Variants in SPON1 observed in about 807,000 individuals in gnomAD.
The protein encoded by SPON1 is spondin 1.
Under a neutral mutation model 111.7 loss-of-function variants are expected in SPON1, and 52 were observed. The ratio of observed to expected loss-of-function variants is 0.47; its 90% confidence interval spans 0.37 to 0.59. The LOEUF is 0.59. Ranked by LOEUF, SPON1 falls within the 20% of genes least tolerant of loss-of-function variation. The probability of loss-of-function intolerance (pLI) is 0.00; values close to 1 mark genes in which losing one functional copy is unlikely to be tolerated. For synonymous variants in SPON1, 410 were observed against 395.8 expected (o/e 1.04, Z -0.43); for missense variants, 957 against 1,068.5 (o/e 0.90, Z 1.46).
chr11:14,240,800 AGACT>A (rs1345372607), intron 6 of SPON1, among the ~76,000 whole-genome samples: 1 of 152,232 alleles, frequency 6.6e-6, no homozygotes, highest in Non-Finnish European at 1.5e-5. Flanking sequence ...AAGAGCAAAC[AGACT>A]GTCATCAGAC....
At position 13,982,860 on chromosome 11, in the gene SPON1, T is replaced by A. The variant is rs1460413447; in HGVS notation, c.252T>A (p.Ala84=). The change falls in exon 2 of 16, where the codon GCT becomes GCA. Residue 84 remains alanine (A), a synonymous_variant. Coordinates refer to ENST00000576479, the MANE Select transcript of SPON1 (RefSeq NM_006108.4). The part of the protein sequence containing the change: ...PGTSYRVTLS[A]APPSYFRGFT... ...CTCTCTCTGCAGTAACACTTTCAGC[T>A]GCTCCTCCCTCCTACTTCAGAGGAT... is the stretch of plus-strand genomic sequence containing the variant. 3.1e-5 allele frequency: 49 copies of A among 1,558,324 alleles called. No homozygotes were observed. Among genetic ancestry groups the A allele is most frequent in the Non-Finnish European group, 4.0e-5 (46 of 1,149,832 alleles).
At chr11:14,083,195 G>A (rs1256878509) in intron 5 of SPON1, among the ~76,000 whole-genome samples, 1 of 152,176 alleles carries the variant, frequency 6.6e-6, no homozygotes, top group Admixed American at 6.5e-5. Context: ...GAGGATCAAT[G>A]TTTTACGTTT....
intron 11 of SPON1, among the ~76,000 whole-genome samples, 177 bp downstream of exon 11, chr11:14,258,075 A>C (rs1849130056): frequency 6.6e-6 from 1 of 152,360 alleles, no homozygotes; most frequent in Middle Eastern, 3.4e-3. Context: ...TGAACACAGA[A>C]TCTCTCTTAT....
At chr11:14,224,640 C>T (rs781896366) in intron 6 of SPON1, 51 of 299,900 alleles carry the variant, frequency 1.7e-4, no homozygotes, top group Non-Finnish European at 2.9e-4. Flanking sequence ...GCATGTAGCA[C>T]TCTCATATCT....
At chr11:14,185,807 G>A (rs1028440243) in intron 6 of SPON1, among the ~76,000 whole-genome samples, 3 of 152,230 alleles carry the variant, frequency 2.0e-5, no homozygotes, top group African/African-American at 7.2e-5. Context: ...CTTCTCATCA[G>A]ACTGGCCACT....
chr11:13,967,191 A>G (rs1554908111), intron 1 of SPON1, among the ~76,000 whole-genome samples: 2 of 152,182 alleles, frequency 1.3e-5, no homozygotes, highest in African/African-American at 2.4e-5. Flanking sequence ...CTGTGCTCTT[A>G]ACCAGTCTTA....
intron 6 of SPON1, among the ~76,000 whole-genome samples, chr11:14,210,488 AC>A (rs1455450565): frequency 6.7e-6 from 1 of 148,910 alleles, no homozygotes; most frequent in Non-Finnish European, 1.5e-5. Context: ...AACCTCCACC[AC>A]CCGGGTTCAA....
At chr11:14,237,310 C>T (rs140924096) in intron 6 of SPON1, among the ~76,000 whole-genome samples, 4 of 152,218 alleles carry the variant, frequency 2.6e-5, no homozygotes, top group South Asian at 2.1e-4. Context: ...AGACACTGCT[C>T]TCCCAGAGGG....
chr11:14,151,003 A>G (rs1485662338), intron 6 of SPON1, among the ~76,000 whole-genome samples: 2 of 152,204 alleles, frequency 1.3e-5, no homozygotes, highest in African/African-American at 2.4e-5. Flanking sequence ...TTAACTGATC[A>G]TGTTAGGAAG....
At chr11:14,067,759 A>G (rs1277569673) in intron 3 of SPON1, among the ~76,000 whole-genome samples, 1 of 152,230 alleles carries the variant, frequency 6.6e-6, no homozygotes, top group Non-Finnish European at 1.5e-5. Flanking sequence ...GAAAGCAGGA[A>G]CAGGACTATC....
chr11:14,262,648 G>A (rs1849199617), intron 14 of SPON1, 64 bp from the exon 15 acceptor site: 1 of 1,594,036 alleles, frequency 6.3e-7, no homozygotes, highest in African/African-American at 1.4e-5. Context: ...GATGTTCAAA[G>A]GAGAGCGTGA....
At chr11:14,147,271 T>C (rs1290879712) in intron 6 of SPON1, among the ~76,000 whole-genome samples, 3 of 151,854 alleles carry the variant, frequency 2.0e-5, no homozygotes, top group Non-Finnish European at 4.4e-5. Flanking sequence ...TGACCTCAGG[T>C]GATCCACCTG....
At chr11:14,243,965 A>C (rs1848959509) in intron 7 of SPON1, among the ~76,000 whole-genome samples, 1 of 152,182 alleles carries the variant, frequency 6.6e-6, no homozygotes, top group Non-Finnish European at 1.5e-5. Context: ...CCTGGACCTT[A>C]AACTCATCAT....
chr11:14,219,119 A>C (rs1377474799), intron 6 of SPON1, among the ~76,000 whole-genome samples: 2 of 152,164 alleles, frequency 1.3e-5, no homozygotes, highest in African/African-American at 4.8e-5. Context: ...TCCCCCACCC[A>C]CTGCCACCTA....
chr11:14,218,074 T>A (rs1564933390), intron 6 of SPON1, among the ~76,000 whole-genome samples: 1 of 152,220 alleles, frequency 6.6e-6, no homozygotes, highest in Non-Finnish European at 1.5e-5. Context: ...TCCAAGAAAT[T>A]GAATGTATGA....
At chr11:14,095,874 A>G (rs548047665) in intron 5 of SPON1, among the ~76,000 whole-genome samples, 2 of 152,330 alleles carry the variant, frequency 1.3e-5, no homozygotes, top group East Asian at 1.9e-4. Context: ...CAAACATACA[A>G]TGAACAATAA....
intron 2 of SPON1, among the ~76,000 whole-genome samples, chr11:14,035,731 C>T (rs1322946636): frequency 6.6e-6 from 1 of 151,870 alleles, no homozygotes; most frequent in Admixed American, 6.6e-5. Context: ...AATCCTTCTA[C>T]CTCAGCCTCC....
At position 14,135,713 on chromosome 11, in the gene SPON1, A is replaced by G; in HGVS notation, c.825+145A>G. The G allele has an allele frequency of 3.8e-6, 3 of 785,222 alleles. No individual in the cohort carries two copies. The highest frequency in any genetic ancestry group is 6.0e-6 in the Non-Finnish European group (3 of 496,488). 48.6% of individuals were successfully genotyped at this position (785,222 alleles called of 1,614,324 possible). ...TGAGTTTGGGGGTTTTATGTTAAGT[A>G]GAGGACAGACAGAGGCACAAATATC... On this transcript the variant is annotated intron_variant, in intron 6 of 15. Coordinates refer to ENST00000576479, the MANE Select transcript of SPON1 (RefSeq NM_006108.4). The surrounding 1 kb of genome is among the most constrained non-coding windows in gnomAD (Gnocchi z 4.4).
intron 2 of SPON1, among the ~76,000 whole-genome samples, chr11:14,029,370 C>T (rs1848541897): frequency 6.6e-6 from 1 of 152,126 alleles, no homozygotes; most frequent in African/African-American, 2.4e-5. Flanking sequence ...TATCAATGCA[C>T]AGTGATTATA....
Sources: allele counts gnomAD v4.1 joint callset (sites outside exome capture counted in the v4.1 genomes callset), GRCh38; gene constraint gnomAD v4.1.1; non-coding constraint Gnocchi (gnomAD v3.1); transcripts MANE v1.5; gene names NCBI Gene and HGNC (gene_info 2026-07-23, HGNC 2026-07-21).